Variants in ADAM28 observed in about 807,000 individuals in gnomAD.
ADAM28 encodes the protein ADAM metallopeptidase domain 28, also known as disintegrin and metalloproteinase domain-containing protein 28.
Under a neutral mutation model 101.2 loss-of-function variants are expected in ADAM28, and 105 were observed. The ratio of observed to expected loss-of-function variants is 1.04; its 90% CI spans 0.89 to 1.22. The LOEUF (loss-of-function observed/expected upper bound fraction) is 1.22, where lower values mean the gene tolerates loss of function less well. Among genes scored for constraint, ADAM28 ranks in the 50% most tolerant of loss-of-function variants. ADAM28 has a pLI of 0.00. For synonymous variants in ADAM28, 322 were observed against 310.6 expected, an observed-to-expected ratio of 1.04 and a Z score of -0.39; for missense variants, 1,028 against 945.4, an observed-to-expected ratio of 1.09 and a Z score of -1.15.
At chr8:24,342,835 C>T in intron 16 of ADAM28, 1 of 424,734 alleles carries the variant, frequency 2.4e-6, no homozygotes, top group Non-Finnish European at 4.1e-6. Flanking sequence ...CCCTTAACTT[C>T]TTGCATAGTC....
chr8:24,302,002 C>T (rs1235431431), intron 2 of ADAM28, among the ~76,000 whole-genome samples: 8 of 152,066 alleles, frequency 5.3e-5, no homozygotes, highest in African/African-American at 1.5e-4. Flanking sequence ...CATAGATAAA[C>T]GTGTGCCATG....
Position 24,343,542 on chromosome 8 carries a change from G to A in ADAM28, c.1948G>A (p.Gly650Arg), listed in dbSNP as rs1353630728. 8.7e-6 allele frequency: 14 copies of A among 1,613,830 alleles called. No homozygotes were observed. The highest frequency in any genetic ancestry group is 1.1e-5 in the Non-Finnish European group (13 of 1,179,828). The change falls in exon 18 of 23, where the codon GGA (glycine) becomes AGA (arginine). Residue 650 changes from glycine to arginine, a missense_variant. Coordinates refer to ENST00000265769, the MANE Select transcript of ADAM28 (RefSeq NM_014265.6). ...DHELQCQCEE[G>R]WIPPDCDDSS... Reference sequence around the variant, plus strand: ...TGAGCTCCAGTGTCAATGTGAGGAAGGATGGATCCCTCCCGACTGCGATGA... The same window carrying A: ...TGAGCTCCAGTGTCAATGTGAGGAAAGATGGATCCCTCCCGACTGCGATGA...
rs1299267593 is a variant in ADAM28 at position 24,326,588 on chromosome 8, G to A, written c.925G>A (p.Ala309Thr). Residue 309 changes from alanine to threonine, a missense_variant, in exon 10 of 23, where the codon GCA becomes ACA. Coordinates refer to ENST00000265769, the MANE Select transcript of ADAM28 (RefSeq NM_014265.6). ...TELAGTTVGL[A>T]FMSTMCSPYS... ...ACTTGCTGGAACGACTGTGGGTCTTGCATTTATGTCTACAATGTGTTCTCC... is the reference window on the plus strand; with the variant it reads ...ACTTGCTGGAACGACTGTGGGTCTTACATTTATGTCTACAATGTGTTCTCC... 2 of 1,612,014 alleles carry A rather than the reference G, an allele frequency of 1.2e-6. No homozygotes were observed. Among genetic ancestry groups the A allele is most frequent in the East Asian group, 2.2e-5 (1 of 44,788 alleles).
chr8:24,325,495 A>T (rs1812419441), intron 9 of ADAM28, among the ~76,000 whole-genome samples: 1 of 151,972 alleles, frequency 6.6e-6, no homozygotes, highest in South Asian at 2.1e-4. Flanking sequence ...ACGAAATGTT[A>T]TTTTTTGCAA....
At chr8:24,294,371 A>C (rs1807683952) in intron 1 of ADAM28, among the ~76,000 whole-genome samples, 176 bp downstream of exon 1, 1 of 152,198 alleles carries the variant, frequency 6.6e-6, no homozygotes. Flanking sequence ...CGAGTGATAC[A>C]AAGACAATGT....
chr8:24,301,875 G>A (rs910130105), intron 2 of ADAM28, among the ~76,000 whole-genome samples: 5 of 152,078 alleles, frequency 3.3e-5, no homozygotes, highest in African/African-American at 9.7e-5. Context: ...TTGTTGTATC[G>A]TTTACTGTTA....
At chr8:24,323,799 A>C (rs780359411) in intron 8 of ADAM28, 35 bp from the exon 9 acceptor site, 1 of 1,574,756 alleles carries the variant, frequency 6.4e-7, no homozygotes. Flanking sequence ...TCACCATTAT[A>C]ATTAATTGCT....
chr8:24,306,064 CT>C (rs768828232), intron 2 of ADAM28, among the ~76,000 whole-genome samples: 124 of 152,074 alleles, frequency 8.2e-4, no homozygotes, highest in Non-Finnish European at 6.0e-4. Context: ...AACAGTAAAA[CT>C]TTTTTGTATA....
intron 18 of ADAM28, among the ~76,000 whole-genome samples, chr8:24,345,082 C>A (rs2129332424): frequency 6.7e-6 from 1 of 149,492 alleles, no homozygotes; most frequent in South Asian, 2.1e-4. Flanking sequence ...AATAACATCC[C>A]TTTTAAAAGT....
intron 16 of ADAM28, 68 bp from the exon 17 acceptor site, chr8:24,343,033 C>A (rs1451696539): frequency 6.2e-7 from 1 of 1,607,266 alleles, no homozygotes; most frequent in East Asian, 2.2e-5. Context: ...AGCCTCTTCA[C>A]ACAGACCTCA....
rs35617826 is a variant in ADAM28, at chr8:24,341,737, A to G, written c.1810A>G (p.Thr604Ala). The change falls in exon 16 of 23, where the codon ACT becomes GCT. Residue 604 changes from threonine to alanine, a missense_variant. Physicochemically the swap from Thr to Ala is moderately conservative, Grantham distance 58 (BLOSUM62 0). Transcript: ENST00000265769. ...SQEIGMVANG[T>A]KCGDNKVCIN... ...AGAAATAGGCATGGTGGCCAATGGAACTAAGTGTGGCGATAACAAGGTAAG... is the reference window on the plus strand; with the variant it reads ...AGAAATAGGCATGGTGGCCAATGGAGCTAAGTGTGGCGATAACAAGGTAAG... 6.2e-7 allele frequency: 1 copy of G among 1,613,792 alleles called. No homozygotes were observed. The highest frequency in any genetic ancestry group is 1.7e-5 in the Admixed American group (1 of 59,992).
chr8:24,323,627 A>G (rs1001776482), intron 8 of ADAM28, among the ~76,000 whole-genome samples: 1 of 151,914 alleles, frequency 6.6e-6, no homozygotes, highest in African/African-American at 2.4e-5. Context: ...TTACGGACCT[A>G]AACTATCTTA....
rs1816734596 is a variant in ADAM28, at chr8:24,357,089, T to G, written c.*2685T>G. On this transcript the variant is annotated 3_prime_UTR_variant, in exon 23 of 23. Coordinates refer to ENST00000265769, the MANE Select transcript of ADAM28 (RefSeq NM_014265.6). ...GCCCCTGAGTTCAACGACCCTCAAA[T>G]GAAGTGAAGTCTACCAATAACCACT... 6.6e-6 allele frequency: 1 copy of G among 150,712 alleles called. No homozygotes were observed. The highest frequency in any genetic ancestry group is 6.6e-5 in the Admixed American group (1 of 15,040). 9.3% of individuals were successfully genotyped at this position (150,712 alleles called of 1,614,324 possible). A position where few individuals can be genotyped will look rare whatever the true frequency, so the allele number is the denominator to read the frequency against.
intron 9 of ADAM28, among the ~76,000 whole-genome samples, chr8:24,325,870 G>GAAAAAAAAAAAAAAAAAAA (rs1255708868): frequency 5.6e-4 from 1 of 1,800 alleles, no homozygotes; most frequent in Non-Finnish European, 9.7e-4. Context: ...TGTACAGATA[G>GAAAAAAAAAAAAAAAAAAA]CAAAAAAAAA....
At position 24,321,232 on chromosome 8, in the gene ADAM28, T is replaced by G; in HGVS notation, c.663T>G (p.Asn221Lys). The change falls in exon 8 of 23, where the codon AAT (asparagine) becomes AAG (lysine). Residue 221 changes from asparagine (N) to lysine (K), a missense_variant. Transcript: ENST00000265769. ...TTTTCTTTTAGTTTAAAAGGTACAATGAGAATCAAGATGAGATCAGAAAGA... is the reference window on the plus strand; with the variant it reads ...TTTTCTTTTAGTTTAAAAGGTACAAGGAGAATCAAGATGAGATCAGAAAGA... ...VLDNGEFKRY[N>K]ENQDEIRKRV... 1 of 1,603,528 alleles carries G rather than the reference T, an allele frequency of 6.2e-7. No homozygotes were observed.
chr8:24,316,207 A>G (rs748541341), intron 6 of ADAM28, among the ~76,000 whole-genome samples: 16 of 151,796 alleles, frequency 1.1e-4, no homozygotes, highest in Admixed American at 2.6e-4. Flanking sequence ...TTTTTCCAAA[A>G]CCAAATAAAG....
chr8:24,321,247 G>C lies in ADAM28; in HGVS notation c.678G>C (p.Glu226Asp), dbSNP rs17736699. The part of the protein sequence containing the change: ...EFKRYNENQD[E>D]IRKRVFEMAN... ...AAAGGTACAATGAGAATCAAGATGA[G>C]ATCAGAAAGAGGGTATTTGAGATGG... The change falls in exon 8 of 23, where the codon GAG (glutamate) becomes GAC (aspartate). Residue 226 changes from glutamate to aspartate, a missense_variant. Glu to Asp is a conservative substitution (Grantham distance 45, BLOSUM62 2). Coordinates refer to ENST00000265769, the MANE Select transcript of ADAM28 (RefSeq NM_014265.6). 2.1e-5 allele frequency: 33 copies of C among 1,607,332 alleles called. No individual in the cohort carries two copies. The South Asian group carries it at 3.5e-4, about 17-fold the overall frequency.
intron 6 of ADAM28, among the ~76,000 whole-genome samples, chr8:24,319,893 T>A (rs10106240): frequency 0.036 from 5,509 of 152,068 alleles, 342 homozygotes; most frequent in African/African-American, 0.12. Flanking sequence ...AGGAGGATGC[T>A]GAAGTCAAAC....
chr8:24,311,345 A>G lies in ADAM28; in HGVS notation c.307-16A>G. ...ATTCACATGTACTTCTCTTTACAAAACCCCTTTTCCTTTAGGATGATTGTT... is the reference window on the plus strand; with the variant it reads ...ATTCACATGTACTTCTCTTTACAAAGCCCCTTTTCCTTTAGGATGATTGTT... On this transcript the variant is annotated splice_polypyrimidine_tract_variant and intron_variant, in intron 4 of 22. Transcript: ENST00000265769. 6 of 1,599,436 alleles carry G rather than the reference A, an allele frequency of 3.8e-6. No homozygotes were observed. Among genetic ancestry groups the G allele is most frequent in the Non-Finnish European group, 5.1e-6 (6 of 1,173,622 alleles).
Sources: allele counts gnomAD v4.1 joint callset (sites outside exome capture counted in the v4.1 genomes callset), GRCh38; gene constraint gnomAD v4.1.1; transcripts MANE v1.5; gene names NCBI Gene and HGNC (gene_info 2026-07-23, HGNC 2026-07-21).